Variants in DPP10 observed in about 807,000 individuals in gnomAD.
DPP10 encodes inactive dipeptidyl peptidase 10.
DPP10 carries 33 observed loss-of-function variants against 120.9 expected under a neutral mutation model. That is an observed-to-expected ratio of 0.27 (90% CI 0.21 to 0.37). The LOEUF (loss-of-function observed/expected upper bound fraction) is 0.37, where lower values mean the gene tolerates loss of function less well. Ranked by LOEUF, DPP10 falls within the 10% of genes least tolerant of loss-of-function variation. The pLI is 1.00. For synonymous variants in DPP10, 337 were observed against 326.1 expected, an observed-to-expected ratio of 1.03 and a Z score of -0.36; for missense variants, 816 against 942.8, an observed-to-expected ratio of 0.87 and a Z score of 1.76.
chr2:115,747,250 T>C (rs1678099706), intron 10 of DPP10, among the ~76,000 whole-genome samples: 1 of 152,162 alleles, frequency 6.6e-6, no homozygotes, highest in South Asian at 2.1e-4. Context: ...AAGTAAGGAC[T>C]CTTTCATCAG....
intron 3 of DPP10, among the ~76,000 whole-genome samples, chr2:115,371,817 T>C (rs1321241045): frequency 6.6e-6 from 1 of 152,116 alleles, no homozygotes; most frequent in Non-Finnish European, 1.5e-5. Flanking sequence ...TTTGTTCTAA[T>C]AAGAAAGAAT....
rs1171724452 is a variant in DPP10 at position 115,299,180 on chromosome 2, T to A, written c.61-10059T>A. 7.2e-5 allele frequency among the ~76,000 whole-genome samples: 11 copies of A among 152,074 alleles called. No homozygotes were observed. In the East Asian group the frequency reaches 2.1e-3, roughly 29 times the overall value. Reference sequence around the variant, plus strand: ...TCTTTTTAAAAATATCTTGTCCGTGTATTCTGTTCCTAACATTAACATATA... The same window carrying A: ...TCTTTTTAAAAATATCTTGTCCGTGAATTCTGTTCCTAACATTAACATATA... On this transcript the variant is annotated intron_variant, in intron 1 of 25. Transcript: ENST00000410059.
At chr2:114,745,697 A>G (rs1339187124) in intron 1 of DPP10, among the ~76,000 whole-genome samples, 2 of 152,330 alleles carry the variant, frequency 1.3e-5, no homozygotes, top group South Asian at 2.1e-4. Flanking sequence ...AGAGTCACGG[A>G]CAAAGACAAG....
Position 115,404,136 on chromosome 2 carries a change from A to G in DPP10, c.271+60224A>G, listed in dbSNP as rs139300286. ...AGGTTTAATGGGTTCACGCTTCTAC[A>G]GGCTGTACGTAAAGCATGATGCTGG... On this transcript the variant is annotated intron_variant, in intron 3 of 25. Coordinates refer to ENST00000410059, the MANE Select transcript of DPP10 (RefSeq NM_020868.6). 3.2e-4 allele frequency among the ~76,000 whole-genome samples: 48 copies of G among 152,296 alleles called. No homozygotes were observed. The East Asian group carries it at 8.3e-3, about 26-fold the overall frequency.
chr2:114,892,841 G>T (rs1013385523), intron 1 of DPP10, among the ~76,000 whole-genome samples: 2 of 152,098 alleles, frequency 1.3e-5, no homozygotes, highest in Admixed American at 6.6e-5. Context: ...CAGGACACAG[G>T]ATGGAGTCCT....
chr2:115,198,782 A>G (rs988209314), intron 1 of DPP10, among the ~76,000 whole-genome samples: 11 of 152,112 alleles, frequency 7.2e-5, no homozygotes, highest in Non-Finnish European at 1.6e-4. Flanking sequence ...TCCAGTGCCT[A>G]TGTCAAACTC....
At chr2:114,670,586 C>G (rs796758684) in intron 1 of DPP10, among the ~76,000 whole-genome samples, 1 of 151,928 alleles carries the variant, frequency 6.6e-6, no homozygotes, top group South Asian at 2.1e-4. Context: ...TGCTAAATGA[C>G]GAGTTAATGG....
intron 1 of DPP10, among the ~76,000 whole-genome samples, chr2:115,041,668 G>A (rs916505347): frequency 6.6e-6 from 1 of 152,114 alleles, no homozygotes; most frequent in Non-Finnish European, 1.5e-5. Flanking sequence ...CATTCACTCT[G>A]TTTTTCCACA....
At chr2:115,790,483 T>C (rs1409808300) in intron 17 of DPP10, among the ~76,000 whole-genome samples, 1 of 152,226 alleles carries the variant, frequency 6.6e-6, no homozygotes, top group Non-Finnish European at 1.5e-5. Flanking sequence ...CCACTTCATG[T>C]TTTATCAAAT....
At chr2:115,172,678 T>C (rs954954565) in intron 1 of DPP10, among the ~76,000 whole-genome samples, 1 of 152,190 alleles carries the variant, frequency 6.6e-6, no homozygotes, top group African/African-American at 2.4e-5. Flanking sequence ...TTTGCAGAAC[T>C]GTTGTGAGGA....
intron 1 of DPP10, among the ~76,000 whole-genome samples, chr2:114,711,965 A>G (rs1701055544): frequency 6.6e-6 from 1 of 151,988 alleles, no homozygotes; most frequent in African/African-American, 2.4e-5. Flanking sequence ...GTCAAATTAT[A>G]ATAATTATCA....
chr2:115,031,312 A>G (rs1703827388), intron 1 of DPP10, among the ~76,000 whole-genome samples: 1 of 152,256 alleles, frequency 6.6e-6, no homozygotes, highest in Admixed American at 6.5e-5. Context: ...TTATGTGGCA[A>G]CATGGCACTG....
In DPP10 at chr2:115,100,422, C is replaced by T. The variant is rs139121512; in HGVS notation, c.61-208817C>T. On this transcript the variant is annotated intron_variant, in intron 1 of 25. Coordinates refer to ENST00000410059, the MANE Select transcript of DPP10 (RefSeq NM_020868.6). The stretch of plus-strand genomic sequence containing the variant: ...TATAATCTTGCCACAGGACTTTAGC[C>T]GCTGAGTGACAGAATGTGACCACGT... Among the ~76,000 whole-genome samples the T allele has an allele frequency of 9.9e-4, 151 of 151,998 alleles. 1 individual carries two copies. Among genetic ancestry groups the T allele is most frequent in the African/African-American group, 2.9e-3 (121 of 41,416 alleles).
intron 5 of DPP10, among the ~76,000 whole-genome samples, chr2:115,652,909 A>G (rs562674133): frequency 6.6e-6 from 1 of 152,132 alleles, no homozygotes; most frequent in East Asian, 1.9e-4. Context: ...GGTCCAGTCA[A>G]GCTGACATGT....
chr2:115,682,343 A>C (rs1227239100), intron 5 of DPP10, among the ~76,000 whole-genome samples: 1 of 151,920 alleles, frequency 6.6e-6, no homozygotes, highest in Non-Finnish European at 1.5e-5. Flanking sequence ...ATTGTATTAC[A>C]AACAGTGGCA....
rs569622997 is a variant in DPP10, at chr2:115,299,845, A to G, written c.61-9394A>G. ...TCCATCTAAATTTTAAAATCACTTTATCAATTAAGAAAAAAGTTTTATTTG... is the reference window on the plus strand; with the variant it reads ...TCCATCTAAATTTTAAAATCACTTTGTCAATTAAGAAAAAAGTTTTATTTG... On this transcript the variant is annotated intron_variant, in intron 1 of 25. Coordinates refer to ENST00000410059, the MANE Select transcript of DPP10 (RefSeq NM_020868.6). 2.6e-5 allele frequency among the ~76,000 whole-genome samples: 4 copies of G among 152,100 alleles called. No homozygotes were observed. In the South Asian group the frequency reaches 8.3e-4, roughly 32 times the overall value.
intron 4 of DPP10, among the ~76,000 whole-genome samples, chr2:115,500,769 A>G (rs1049199291): frequency 2.6e-5 from 4 of 152,012 alleles, no homozygotes; most frequent in African/African-American, 9.7e-5. Context: ...TGTACAGCAG[A>G]TTGCCTACTG....
intron 1 of DPP10, among the ~76,000 whole-genome samples, chr2:114,955,054 G>A (rs1312483725): frequency 6.6e-6 from 1 of 152,182 alleles, no homozygotes; most frequent in Non-Finnish European, 1.5e-5. Context: ...AGGATTCTTG[G>A]ACCTTGCATA....
At chr2:115,303,303 T>C (rs1284400729) in intron 1 of DPP10, among the ~76,000 whole-genome samples, 3 of 151,992 alleles carry the variant, frequency 2.0e-5, no homozygotes, top group Non-Finnish European at 4.4e-5. Context: ...GATTTTGCCT[T>C]CTTCTTTTGG....
Sources: allele counts gnomAD v4.1 joint callset (sites outside exome capture counted in the v4.1 genomes callset), GRCh38; gene constraint gnomAD v4.1.1; transcripts MANE v1.5; gene names NCBI Gene and HGNC (gene_info 2026-07-23, HGNC 2026-07-21).